The following KIR2DL4 variants were observed in gnomAD, a reference collection of about 807,000 sequenced individuals.
KIR2DL4 encodes killer cell immunoglobulin-like receptor 2DL4.
Under a neutral mutation model 31.0 loss-of-function variants are expected in KIR2DL4, and 41 were observed. The observed-to-expected ratio is 1.32, with a 90% CI of 1.03 to 1.72. The LOEUF is 1.72. Ranked by LOEUF, KIR2DL4 falls within the 40% of genes most tolerant of loss-of-function variation. The pLI is 0.00. For synonymous variants in KIR2DL4, 164 were observed against 133.6 expected (o/e 1.23, Z -1.57); for missense variants, 438 against 353.7 (o/e 1.24, Z -1.91).
exon 8 of KIR2DL4, chr19:54,814,248 T>A: frequency 2.0e-6 from 2 of 1,024,492 alleles, no homozygotes; most frequent in Non-Finnish European, 2.9e-6. Flanking sequence ...CACAATTCTC[T>A]ATTTCACTTG....
chr19:54,808,812 C>A (rs56218903), intron 4 of KIR2DL4, 21 bp from the exon 5 acceptor site: 28,982 of 1,534,022 alleles, frequency 0.019, 663 homozygotes, highest in African/African-American at 0.043. Context: ...TGCCACACCT[C>A]TCTCCTGTCC....
rs1490271653 is a variant in KIR2DL4, at chr19:54,813,550, G to C, written c.811-140G>C. The C allele has an allele frequency of 3.4e-6, 3 of 879,160 alleles. No individual in the cohort carries two copies. The East Asian group carries it at 7.3e-5, about 21-fold the overall frequency. 54.5% of individuals were successfully genotyped at this position (879,160 alleles called of 1,614,324 possible). ...TGGAATGGGGTCTTGCACTCAGAGA[G>C]ATGGAATGTCTGAGTCTGGCTGTTG... On this transcript the variant is annotated intron_variant, in intron 6 of 7. Transcript: ENST00000359085.
chr19:54,804,876 C>A, exon 3 of KIR2DL4: 3 of 1,612,238 alleles, frequency 1.9e-6, no homozygotes, highest in Non-Finnish European at 2.5e-6. Context: ...GTGTCACTAT[C>A]GTCGTGGGTT....
intron 5 of KIR2DL4, among the ~76,000 whole-genome samples, chr19:54,810,515 A>G (rs1262982976): frequency 6.6e-6 from 1 of 151,230 alleles, no homozygotes; most frequent in Non-Finnish European, 1.5e-5. Context: ...TTGTGACCTT[A>G]ATGAAAAAAA....
In KIR2DL4 at chr19:54,811,854, T is replaced by G. The variant is rs1471475878; in HGVS notation, c.707-1271T>G. Among the ~76,000 whole-genome samples the G allele has an allele frequency of 3.2e-4, 49 of 151,174 alleles. 4 individuals are homozygous for G. Among genetic ancestry groups the G allele is most frequent in the Non-Finnish European group, 2.9e-5 (2 of 67,902 alleles). The stretch of plus-strand genomic sequence containing the variant: ...GCAACAGATGATGGAGGGGGTGGTC[T>G]TTCCCCCAGACTCTCGGGTGGAACA... On this transcript the variant is annotated intron_variant, in intron 5 of 7. Transcript: ENST00000359085.
exon 8 of KIR2DL4, chr19:54,814,026 A>G (rs2061056913): frequency 6.2e-7 from 1 of 1,612,386 alleles, no homozygotes; most frequent in Non-Finnish European, 8.5e-7. Flanking sequence ...CACCACAGTC[A>G]GGCCTTGATG....
At chr19:54,805,016 T>C (rs796792356) in exon 3 of KIR2DL4, 2 of 1,609,864 alleles carry the variant, frequency 1.2e-6, no homozygotes, top group Non-Finnish European at 1.7e-6. Context: ...GTCGAGGTTT[T>C]CACCCGCACT....
At chr19:54,814,108 C>A in exon 8 of KIR2DL4, 2 of 1,610,688 alleles carry the variant, frequency 1.2e-6, no homozygotes, top group Non-Finnish European at 1.7e-6. Context: ...CAGCTGGAAT[C>A]TGAAGGCGTG....
chr19:54,806,552 C>T (rs1387160218), intron 4 of KIR2DL4, among the ~76,000 whole-genome samples: 1 of 151,432 alleles, frequency 6.6e-6, no homozygotes, highest in East Asian at 1.9e-4. Context: ...CAACCTTACC[C>T]ATTTCCCAGA....
chr19:54,813,220 A>G, exon 6 of KIR2DL4: 1 of 1,369,518 alleles, frequency 7.3e-7, no homozygotes, highest in Non-Finnish European at 9.6e-7. Context: ...CTGGTGCTCC[A>G]AAAAAAAAGT....
intron 5 of KIR2DL4, chr19:54,813,107 A>T: frequency 7.0e-7 from 1 of 1,434,082 alleles, no homozygotes. Flanking sequence ...TTCTTATTGG[A>T]TTCCCATCTT....
At chr19:54,804,052 C>T (rs1357938221) in intron 2 of KIR2DL4, 126 bp downstream of exon 2, 6 of 867,396 alleles carry the variant, frequency 6.9e-6, no homozygotes, top group Non-Finnish European at 9.7e-6. Flanking sequence ...TGGGGGGAGT[C>T]TCTCATGAAC....
chr19:54,813,748 T>A lies in KIR2DL4; in HGVS notation c.*41+6T>A. The A allele has an allele frequency of 6.2e-7, 1 of 1,611,406 alleles. No homozygotes were observed. Among genetic ancestry groups the A allele is most frequent in the Non-Finnish European group, 8.5e-7 (1 of 1,179,308 alleles). On this transcript the variant is annotated splice_donor_region_variant and intron_variant, in intron 7 of 7. Coordinates refer to ENST00000359085, the Ensembl canonical transcript of KIR2DL4. Reference sequence around the variant, plus strand: ...ACAGAACAGTGAACAGGGAGGTAGGTCCTCCTAGCCCAGCCTCATGGATAC... The same window carrying A: ...ACAGAACAGTGAACAGGGAGGTAGGACCTCCTAGCCCAGCCTCATGGATAC...
intron 5 of KIR2DL4, among the ~76,000 whole-genome samples, chr19:54,810,200 C>T (rs2060776933): frequency 1.3e-5 from 2 of 150,394 alleles, no homozygotes; most frequent in African/African-American, 2.5e-5. Context: ...CTCACCGCAA[C>T]CTCCACCTCC....
intron 1 of KIR2DL4, 59 bp from the exon 2 acceptor site, chr19:54,803,832 C>A: frequency 6.3e-7 from 1 of 1,576,544 alleles, no homozygotes; most frequent in Non-Finnish European, 8.7e-7. Context: ...CCCAGTGGCT[C>A]AGGAGGAAAG....
At chr19:54,810,917 G>T (rs2060829487) in intron 5 of KIR2DL4, among the ~76,000 whole-genome samples, 2 of 150,818 alleles carry the variant, frequency 1.3e-5, no homozygotes, top group African/African-American at 2.5e-5. Context: ...ATGAAAGATG[G>T]ACACAAGATG....
chr19:54,814,344 C>T (rs1331802584), exon 8 of KIR2DL4: 17 of 556,558 alleles, frequency 3.1e-5, no homozygotes, highest in Non-Finnish European at 5.1e-5. Context: ...CAATTCCAAA[C>T]ATACAAGAGG....
chr19:54,811,619 G>C (rs56136222), intron 5 of KIR2DL4, among the ~76,000 whole-genome samples: 2,155 of 151,372 alleles, frequency 0.014, 125 homozygotes, highest in African/African-American at 0.05. Context: ...CTGGAATAGA[G>C]AACGTGATCT....
chr19:54,812,224 A>T (rs2060905677), intron 5 of KIR2DL4, among the ~76,000 whole-genome samples: 2 of 151,274 alleles, frequency 1.3e-5, no homozygotes, highest in Non-Finnish European at 2.9e-5. Context: ...CAGGTTCATT[A>T]CTTATAGATA....
Sources: gnomAD v4.1 joint callset for allele counts (sites outside exome capture counted in the v4.1 genomes callset) on GRCh38, gnomAD v4.1.1 for gene constraint, MANE v1.5 for transcripts, NCBI Gene and HGNC (gene_info 2026-07-23, HGNC 2026-07-21) for gene names.